R3HDM1: variants seen among roughly 807,000 people sequenced by gnomAD.
The protein encoded by R3HDM1 is R3H domain-containing protein 1.
A neutral mutation model predicts 141.1 loss-of-function variants in R3HDM1; 46 were observed. The ratio of observed to expected loss-of-function variants is 0.33; its 90% CI spans 0.26 to 0.42. The LOEUF is 0.42. Ranked by LOEUF, R3HDM1 falls within the 10% of genes least tolerant of loss-of-function variation. The probability of loss-of-function intolerance (pLI) is 1.00; values close to 1 mark genes in which losing one functional copy is unlikely to be tolerated. For missense variants in R3HDM1, 1,184 were observed against 1,368.3 expected (o/e 0.87, Z 2.12); for synonymous variants, 435 against 472.9 (o/e 0.92, Z 1.04).
chr2:135,611,301 T>C (rs943226855), intron 3 of R3HDM1, among the ~76,000 whole-genome samples: 5 of 151,460 alleles, frequency 3.3e-5, no homozygotes, highest in African/African-American at 7.3e-5. Context: ...CTCTGGAGGC[T>C]GAGGTGGGAG....
chr2:135,649,718 GT>G (rs1339501660), intron 16 of R3HDM1, among the ~76,000 whole-genome samples, 183 bp from the exon 17 acceptor site: 1 of 152,112 alleles, frequency 6.6e-6, no homozygotes, highest in Non-Finnish European at 1.5e-5. Flanking sequence ...GTTTTTGAAA[GT>G]TTTACTGTAT....
intron 1 of R3HDM1, chr2:135,533,834 T>C (rs1159152120): frequency 4.0e-6 from 1 of 249,748 alleles, no homozygotes; most frequent in East Asian, 1.8e-4. Flanking sequence ...GATCAGGCCA[T>C]TGAACTCCAG....
chr2:135,606,804 A>G (rs2060110443), intron 3 of R3HDM1: 1 of 151,388 alleles, frequency 6.6e-6, no homozygotes, highest in Non-Finnish European at 1.5e-5. Flanking sequence ...CAATGTTTTA[A>G]TTTTTGCTTT....
In R3HDM1 at chr2:135,554,304, A is replaced by G. The variant is rs568088219; in HGVS notation, c.-250+22671A>G. ...TTTGCAACTGGATGCTTTATTTAGC[A>G]TAATGTTTTTGGGGTTCATCCATGT... On this transcript the variant is annotated intron_variant, in intron 1 of 26. Coordinates refer to ENST00000683871, the MANE Select transcript of R3HDM1 (RefSeq NM_001378107.1). Among the ~76,000 whole-genome samples, 4 of 152,318 alleles carry G rather than the reference A, an allele frequency of 2.6e-5. No homozygotes were observed. In the East Asian group the frequency reaches 7.7e-4, roughly 29 times the overall value.
intron 16 of R3HDM1, among the ~76,000 whole-genome samples, chr2:135,646,902 T>C (rs1025245583): frequency 4.7e-5 from 5 of 107,168 alleles, no homozygotes; most frequent in Middle Eastern, 6.3e-3. Flanking sequence ...AAAGAAGAAG[T>C]ATGATGATAA....
intron 5 of R3HDM1, among the ~76,000 whole-genome samples, chr2:135,618,162 T>C (rs2061209327): frequency 6.9e-6 from 1 of 145,424 alleles, no homozygotes; most frequent in Non-Finnish European, 1.5e-5. Context: ...AATTAATTTA[T>C]GATTTTTTTT....
At chr2:135,599,394 G>A (rs1373458672) in intron 1 of R3HDM1, among the ~76,000 whole-genome samples, 5 of 152,256 alleles carry the variant, frequency 3.3e-5, no homozygotes, top group African/African-American at 1.2e-4. Flanking sequence ...TAGGAACTGA[G>A]ATATATACTT....
intron 19 of R3HDM1, among the ~76,000 whole-genome samples, chr2:135,663,226 G>A (rs1399634976): frequency 6.6e-6 from 1 of 151,630 alleles, no homozygotes; most frequent in Non-Finnish European, 1.5e-5. Context: ...CAGATAGCAT[G>A]TGTTTATCAT....
At chr2:135,650,336 C>T (rs2065018068) in intron 17 of R3HDM1, 1 of 985,150 alleles carries the variant, frequency 1.0e-6, no homozygotes, top group African/African-American at 1.7e-5. Flanking sequence ...CAGCTTTCAT[C>T]TGGGTTTAGG....
At chr2:135,652,129 A>G (rs1277814514) in intron 18 of R3HDM1, 97 bp downstream of exon 18, 3 of 1,447,304 alleles carry the variant, frequency 2.1e-6, no homozygotes, top group African/African-American at 2.9e-5. Context: ...CATGAAGAGA[A>G]TTTGTGAGAG....
chr2:135,673,055 C>G (rs2068638594), intron 19 of R3HDM1, among the ~76,000 whole-genome samples: 1 of 152,114 alleles, frequency 6.6e-6, no homozygotes, highest in African/African-American at 2.4e-5. Context: ...TGCAGTGAGC[C>G]AAGATTGCAC....
At chr2:135,700,173 A>G (rs1238516902) in intron 21 of R3HDM1, among the ~76,000 whole-genome samples, 2 of 132,806 alleles carry the variant, frequency 1.5e-5, no homozygotes, top group Admixed American at 1.4e-4. Flanking sequence ...AAAAAGATGC[A>G]AAAAAAAAAA....
intron 1 of R3HDM1, chr2:135,584,170 A>G (rs1707371665): frequency 1.6e-6 from 1 of 630,450 alleles, no homozygotes; most frequent in South Asian, 7.0e-5. Context: ...TCTAATAAAA[A>G]TATAAATATT....
Position 135,635,916 on chromosome 2 carries a change from T to G in R3HDM1, c.725T>G (p.Ile242Ser). The G allele has an allele frequency of 6.2e-7, 1 of 1,607,134 alleles. No homozygotes were observed. Among genetic ancestry groups the G allele is most frequent in the Non-Finnish European group, 8.5e-7 (1 of 1,177,828 alleles). The stretch of plus-strand genomic sequence containing the variant: ...CCTGATCAGAAATTTAATGAACATA[T>G]TAAGGATGATAAAGGTGAAGACTTT... The part of the protein sequence containing the change: ...RIPDQKFNEH[I>S]KDDKGEDFQK... Residue 242 changes from isoleucine (I) to serine (S), a missense_variant, in exon 10 of 27, where the codon ATT becomes AGT. Transcript: ENST00000683871.
At chr2:135,537,236 A>G (rs547524423) in intron 1 of R3HDM1, among the ~76,000 whole-genome samples, 7 of 150,224 alleles carry the variant, frequency 4.7e-5, no homozygotes, top group Admixed American at 6.6e-5. Flanking sequence ...CGTGTATGCA[A>G]CATGTATACA....
At chr2:135,635,285 C>A (rs528024010) in intron 9 of R3HDM1, among the ~76,000 whole-genome samples, 1 of 152,122 alleles carries the variant, frequency 6.6e-6, no homozygotes, top group African/African-American at 2.4e-5. Flanking sequence ...GCATAAGATA[C>A]GGCACTGCAC....
intron 23 of R3HDM1, 33 bp downstream of exon 23, chr2:135,710,264 C>A (rs781672981): frequency 1.3e-6 from 2 of 1,578,420 alleles, no homozygotes; most frequent in Non-Finnish European, 1.7e-6. Context: ...CATTTTGAAA[C>A]GTTACATTTT....
chr2:135,635,181 G>A (rs893302466), intron 9 of R3HDM1, among the ~76,000 whole-genome samples: 7 of 152,182 alleles, frequency 4.6e-5, no homozygotes, highest in Non-Finnish European at 1.0e-4. Context: ...ATTAATGGAT[G>A]CACTTTGAAG....
intron 21 of R3HDM1, among the ~76,000 whole-genome samples, chr2:135,696,882 A>C (rs2073326394): frequency 6.6e-6 from 1 of 152,216 alleles, no homozygotes; most frequent in South Asian, 2.1e-4. Flanking sequence ...AAGAGTAAGA[A>C]TTTGTGAGGT....
Sources: allele counts gnomAD v4.1 joint callset (sites outside exome capture counted in the v4.1 genomes callset), GRCh38; gene constraint gnomAD v4.1.1; transcripts MANE v1.5; gene names NCBI Gene and HGNC (gene_info 2026-07-23, HGNC 2026-07-21).